C19orf47: variants seen among roughly 807,000 people sequenced by gnomAD.
C19orf47 encodes the protein chromosome 19 open reading frame 47, also known as uncharacterized protein C19orf47.
Under a neutral mutation model 32.3 loss-of-function variants are expected in C19orf47, and 18 were observed. That is an observed-to-expected ratio of 0.56 (90% CI 0.39 to 0.83). C19orf47 has a LOEUF of 0.83. Ranked by LOEUF, C19orf47 falls within the 40% of genes least tolerant of loss-of-function variation. C19orf47 has a pLI of 0.00. For missense variants in C19orf47, 484 were observed against 531.6 expected, an observed-to-expected ratio of 0.91 and a Z score of 0.88; for synonymous variants, 202 against 211.1, an observed-to-expected ratio of 0.96 and a Z score of 0.37.
At chr19:40,345,774 G>A (rs986940414) in intron 1 of C19orf47, among the ~76,000 whole-genome samples, 252 of 150,598 alleles carry the variant, frequency 1.7e-3, no homozygotes, top group African/African-American at 5.5e-3. Context: ...CCCGGGGCGG[G>A]GGGGGGAGAG....
Position 40,333,832 on chromosome 19 carries a change from C to A in C19orf47, c.301+19G>T. On this transcript the variant is annotated intron_variant, in intron 5 of 8. Coordinates refer to ENST00000683109, the MANE Select transcript of C19orf47 (RefSeq NM_001256441.2). ...GGTATAAAAATCAAGGAAAAGAGGC[C>A]TGAATAGTTAGGACTCACCACTGGT... 1 of 1,534,734 alleles carries A rather than the reference C, an allele frequency of 6.5e-7. No homozygotes were observed. Among genetic ancestry groups the A allele is most frequent in the Non-Finnish European group, 8.8e-7 (1 of 1,137,484 alleles).
the C19orf47 span, among the ~76,000 whole-genome samples, chr19:40,299,960 C>A: frequency 3.3e-5 from 5 of 151,676 alleles, no homozygotes; most frequent in Admixed American, 3.3e-4. Context: ...ACCCAGGGGG[C>A]GGAGGTTGCA....
At chr19:40,337,001 T>A (rs2078078818) in intron 2 of C19orf47, among the ~76,000 whole-genome samples, 1 of 152,212 alleles carries the variant, frequency 6.6e-6, no homozygotes, top group Non-Finnish European at 1.5e-5. Flanking sequence ...GATTTCCCTA[T>A]GGAGGGACTT....
At chr19:40,301,313 T>TTTTTTTTATTTATTTA in the C19orf47 span, among the ~76,000 whole-genome samples, 51 of 140,294 alleles carry the variant, frequency 3.6e-4, no homozygotes, top group African/African-American at 1.4e-3. Flanking sequence ...CTTGAGAGGC[T>TTTTTTTTATTTATTTA]TTTATTTATT....
At chr19:40,307,902 A>G in the C19orf47 span, among the ~76,000 whole-genome samples, 6 of 151,626 alleles carry the variant, frequency 4.0e-5, no homozygotes, top group African/African-American at 9.7e-5. Flanking sequence ...GGTTCAAGCA[A>G]TTCTCCTGCC....
chr19:40,328,326 T>C, intron 6 of C19orf47, 87 bp downstream of exon 6: 1 of 1,556,850 alleles, frequency 6.4e-7, no homozygotes, highest in East Asian at 2.4e-5. Flanking sequence ...CAAAGCACCT[T>C]ACAATATTGG....
intron 2 of C19orf47, 123 bp downstream of exon 2, chr19:40,341,716 G>C (rs1489768250): frequency 1.4e-6 from 2 of 1,406,146 alleles, no homozygotes; most frequent in Admixed American, 4.2e-5. Context: ...ACGGTCCTCA[G>C]AGTACAGCTG....
chr19:40,303,088 C>T, the C19orf47 span, among the ~76,000 whole-genome samples: 4 of 151,856 alleles, frequency 2.6e-5, no homozygotes, highest in Admixed American at 2.0e-4. Flanking sequence ...ATTAGCCGGG[C>T]GGGGTGGCGG....
intron 2 of C19orf47, among the ~76,000 whole-genome samples, chr19:40,338,071 G>A (rs1483046312): frequency 6.6e-6 from 1 of 151,796 alleles, no homozygotes; most frequent in Non-Finnish European, 1.5e-5. Context: ...ACTGTTAATG[G>A]GTATGGGGTT....
rs1389913734 is a variant in C19orf47, at chr19:40,326,134, C to T, written c.592+200G>A. On this transcript the variant is annotated intron_variant, in intron 7 of 8. Transcript: ENST00000683109. ...GAAGAGGTGCCAAGGGGCCCAGCTA[C>T]ACTAACTGCAGGATCAGAGGGCAGA... Among the ~76,000 whole-genome samples, 8 of 152,356 alleles carry T rather than the reference C, an allele frequency of 5.3e-5. 1 individual carries two copies. Among genetic ancestry groups the T allele is most frequent in the South Asian group, 4.1e-4 (2 of 4,830 alleles).
intron 1 of C19orf47, 97 bp downstream of exon 1, chr19:40,348,227 A>G: frequency 2.5e-6 from 2 of 799,646 alleles, no homozygotes; most frequent in Non-Finnish European, 3.5e-6. Context: ...GTAAGTCCGA[A>G]GCCGTACAAC....
At chr19:40,298,145 CAT>C in the C19orf47 span, among the ~76,000 whole-genome samples, 3 of 151,132 alleles carry the variant, frequency 2.0e-5, no homozygotes, top group Non-Finnish European at 4.4e-5. Context: ...TTGTTAAGAA[CAT>C]GTGAAATAAA....
chr19:40,336,507 C>G (rs966917541), intron 2 of C19orf47, 100 bp from the exon 3 acceptor site: 3 of 1,057,932 alleles, frequency 2.8e-6, no homozygotes, highest in Admixed American at 2.0e-5. Flanking sequence ...AAATGCTCAT[C>G]ATATGCCAGG....
intron 4 of C19orf47, among the ~76,000 whole-genome samples, chr19:40,335,131 T>C (rs887088045): frequency 6.6e-6 from 1 of 152,152 alleles, no homozygotes; most frequent in Non-Finnish European, 1.5e-5. Context: ...ATTATATTAA[T>C]CACTTAATGA....
upstream of C19orf47, chr19:40,348,405 C>T: frequency 6.7e-7 from 1 of 1,483,126 alleles, no homozygotes; most frequent in Non-Finnish European, 8.9e-7. Flanking sequence ...CTCCCCCGGC[C>T]CGGGCTGCCC....
In C19orf47 at chr19:40,336,399, C is replaced by T. The variant is rs768713587; in HGVS notation, c.28G>A (p.Glu10Lys). The T allele has an allele frequency of 3.7e-6, 6 of 1,613,296 alleles. No homozygotes were observed. Among genetic ancestry groups the T allele is most frequent in the Non-Finnish European group, 4.2e-6 (5 of 1,179,684 alleles). Reference protein sequence around the residue: MVSVTMATSEWIQFFKEAGI... With the variant: MVSVTMATSKWIQFFKEAGI... ...GCTTCCTTAAAGAACTGGATCCACTCGGAAGTGGCTGTGGGGTTGGACAGG... is the reference window on the plus strand; with the variant it reads ...GCTTCCTTAAAGAACTGGATCCACTTGGAAGTGGCTGTGGGGTTGGACAGG... Residue 10 changes from glutamate (E) to lysine (K), a missense_variant, in exon 3 of 9, where the codon GAG becomes AAG. Transcript: ENST00000683109.
intron 1 of C19orf47, among the ~76,000 whole-genome samples, chr19:40,347,880 C>A (rs1187105047): frequency 2.6e-5 from 4 of 152,080 alleles, no homozygotes; most frequent in Admixed American, 6.6e-5. Context: ...ATCCTCAAGA[C>A]GACCCTATGA....
At chr19:40,335,851 C>T (rs1396039004) in intron 4 of C19orf47, among the ~76,000 whole-genome samples, 3 of 152,162 alleles carry the variant, frequency 2.0e-5, no homozygotes, top group Admixed American at 6.6e-5. Context: ...CTTCGTGATC[C>T]GACCACCTCG....
rs2077825407 is a variant in C19orf47 at position 40,326,234 on chromosome 19, C to G, written c.592+100G>C. On this transcript the variant is annotated intron_variant, in intron 7 of 8. Coordinates refer to ENST00000683109, the MANE Select transcript of C19orf47 (RefSeq NM_001256441.2). ...ACGGCTCCTGCATCCCCGTTAGAAC[C>G]TGCTTCTCAGCCACCGTCTGTAGGA... 9.3e-6 allele frequency: 14 copies of G among 1,509,614 alleles called. No homozygotes were observed. The East Asian group carries it at 3.2e-4, about 35-fold the overall frequency. The allele number at this position is 1,509,614 out of a possible 1,614,324, so 93.5% of individuals were successfully genotyped here.
Sources: gnomAD v4.1 joint callset for allele counts (sites outside exome capture counted in the v4.1 genomes callset) on GRCh38, gnomAD v4.1.1 for gene constraint, MANE v1.5 for transcripts, NCBI Gene and HGNC (gene_info 2026-07-23, HGNC 2026-07-21) for gene names.